The following RNF125 variants were observed in gnomAD, a reference collection of about 807,000 sequenced individuals.
The protein encoded by RNF125 is E3 ubiquitin-protein ligase RNF125.
Under a neutral mutation model 26.0 loss-of-function variants are expected in RNF125, and 21 were observed. The observed-to-expected ratio is 0.81, with a 90% confidence interval of 0.57 to 1.16. The LOEUF (loss-of-function observed/expected upper bound fraction) is 1.16. Ranked by LOEUF, RNF125 falls within the 50% of genes most tolerant of loss-of-function variation. RNF125 has a pLI of 0.00. For missense variants in RNF125, 270 were observed against 299.4 expected, an observed-to-expected ratio of 0.90 and a Z score of 0.72; for synonymous variants, 95 against 109.2, an observed-to-expected ratio of 0.87 and a Z score of 0.81.
At chr18:32,021,517 T>G (rs1239620842) in intron 1 of RNF125, among the ~76,000 whole-genome samples, 1 of 152,244 alleles carries the variant, frequency 6.6e-6, no homozygotes, top group African/African-American at 2.4e-5. Context: ...CAGGCCAGTC[T>G]GGAAGCCAAG....
intron 4 of RNF125, among the ~76,000 whole-genome samples, chr18:32,049,518 G>A (rs2039303742): frequency 6.6e-6 from 1 of 151,614 alleles, no homozygotes; most frequent in African/African-American, 2.4e-5. Flanking sequence ...ATAAAATCAG[G>A]CCTAGAGAAG....
At chr18:32,076,737 G>A (rs1449303135), downstream of RNF125, among the ~76,000 whole-genome samples, 1 of 151,886 alleles carries the variant, frequency 6.6e-6, no homozygotes, top group African/African-American at 2.4e-5. Context: ...CTTATACTTC[G>A]GCCACACTGT....
intron 4 of RNF125, among the ~76,000 whole-genome samples, chr18:32,060,438 T>C (rs1159459370): frequency 1.3e-5 from 2 of 152,324 alleles, no homozygotes; most frequent in East Asian, 3.9e-4. Context: ...TTGAAGTTGG[T>C]AGTAGCTTCT....
intron 4 of RNF125, among the ~76,000 whole-genome samples, chr18:32,053,768 TA>T (rs544167942): frequency 0.091 from 13,337 of 145,790 alleles, 1,885 homozygotes; most frequent in African/African-American, 0.31. Context: ...AACCCTGTCT[TA>T]AAAAAAAAAA....
chr18:32,086,865 T>C, the RNF125 span, among the ~76,000 whole-genome samples: 1 of 152,128 alleles, frequency 6.6e-6, no homozygotes, highest in African/African-American at 2.4e-5. Context: ...TTGTCCAGGC[T>C]GGTCTCAAAT....
At chr18:32,089,189 G>A in the RNF125 span, among the ~76,000 whole-genome samples, 2 of 152,232 alleles carry the variant, frequency 1.3e-5, no homozygotes. Flanking sequence ...TCATCAGCAA[G>A]TTTCAGCAAG....
chr18:32,037,010 TG>T, intron 1 of RNF125, 105 bp from the exon 2 acceptor site: 1 of 991,144 alleles, frequency 1.0e-6, no homozygotes, highest in Admixed American at 2.8e-5. Flanking sequence ...GTATGGCTCA[TG>T]GGGTACGAGG....
chr18:32,040,101 T>C (rs145085557), intron 2 of RNF125, among the ~76,000 whole-genome samples: 23 of 151,768 alleles, frequency 1.5e-4, no homozygotes, highest in African/African-American at 5.6e-4. Context: ...TTATATTCTG[T>C]CTTTTCCTTT....
intron 5 of RNF125, among the ~76,000 whole-genome samples, chr18:32,067,972 T>A (rs986498760): frequency 1.3e-5 from 2 of 152,232 alleles, no homozygotes; most frequent in African/African-American, 2.4e-5. Context: ...TGCTCCATTT[T>A]ACAGGTTTAT....
At position 32,055,931 on chromosome 18, in the gene RNF125, A is replaced by ATC. The variant is rs2039376780; in HGVS notation, c.505-9970_505-9969dup. ...GAGGCGGAGGTTGCAGTGAGCCGAG[A>ATC]TCATGCCATTGCACTCCAGCCTGGG... On this transcript the variant is annotated intron_variant, in intron 4 of 5. Coordinates refer to ENST00000217740, the MANE Select transcript of RNF125 (RefSeq NM_017831.4). Among the ~76,000 whole-genome samples, 11 of 141,686 alleles carry ATC rather than the reference A, an allele frequency of 7.8e-5. No individual in the cohort carries two copies. The South Asian group carries it at 9.0e-4, about 12-fold the overall frequency. The allele number at this position is 141,686 out of a possible 152,430, so 93.0% of individuals were successfully genotyped here.
At position 32,072,593 on chromosome 18, in the gene RNF125, T is replaced by A. The variant is rs1004903985; in HGVS notation, c.*4209T>A. ...TGAATTATTTTGTGTTCTGAATTAT[T>A]TTGAGCTCTAAAATGGTAAAGTACA... is the stretch of plus-strand genomic sequence containing the variant. On this transcript the variant is annotated 3_prime_UTR_variant, in exon 6 of 6. Transcript: ENST00000217740. 1.7e-4 allele frequency: 26 copies of A among 152,206 alleles called. No individual in the cohort carries two copies. The highest frequency in any genetic ancestry group is 6.0e-4 in the African/African-American group (25 of 41,446). 9.4% of individuals were successfully genotyped at this position (152,206 alleles called of 1,614,324 possible). A position where few individuals can be genotyped will look rare whatever the true frequency, so the allele number is the denominator to read the frequency against.
intron 4 of RNF125, among the ~76,000 whole-genome samples, chr18:32,055,670 G>C (rs1007247287): frequency 6.6e-6 from 1 of 152,058 alleles, no homozygotes. Context: ...GACACTTGGA[G>C]ATTGTGGGGA....
the RNF125 span, among the ~76,000 whole-genome samples, chr18:32,087,840 CA>C: frequency 6.6e-6 from 1 of 152,244 alleles, no homozygotes; most frequent in South Asian, 2.1e-4. Flanking sequence ...GTCTTTCCCT[CA>C]GGGGTGAACT....
intron 1 of RNF125, among the ~76,000 whole-genome samples, chr18:32,021,379 C>T (rs1432696335): frequency 1.3e-5 from 2 of 152,168 alleles, no homozygotes; most frequent in East Asian, 1.9e-4. Flanking sequence ...GGAGCCCGGC[C>T]GTAGCTGTAT....
chr18:32,076,821 C>G (rs919124577), downstream of RNF125, among the ~76,000 whole-genome samples: 1 of 152,112 alleles, frequency 6.6e-6, no homozygotes, highest in African/African-American at 2.4e-5. Flanking sequence ...GTTTGAAAAG[C>G]TCTTCGCTGG....
intron 1 of RNF125, among the ~76,000 whole-genome samples, chr18:32,025,229 C>T (rs899331739): frequency 3.3e-5 from 5 of 149,880 alleles, no homozygotes; most frequent in African/African-American, 5.0e-5. Flanking sequence ...CATATATATA[C>T]ATGTAGACAC....
chr18:32,040,804 A>T (rs2039209404), intron 2 of RNF125, among the ~76,000 whole-genome samples: 1 of 152,204 alleles, frequency 6.6e-6, no homozygotes, highest in Non-Finnish European at 1.5e-5. Flanking sequence ...ATACAAATAG[A>T]AATTTTTACC....
intron 1 of RNF125, among the ~76,000 whole-genome samples, chr18:32,021,119 T>C (rs1489179571): frequency 5.3e-5 from 8 of 152,124 alleles, no homozygotes; most frequent in East Asian, 1.9e-4. Context: ...CTTGCTGTGT[T>C]GCCCAGGCTG....
At chr18:32,084,585 G>A in the RNF125 span, among the ~76,000 whole-genome samples, 1 of 152,194 alleles carries the variant, frequency 6.6e-6, no homozygotes, top group Non-Finnish European at 1.5e-5. Context: ...AAGGGAGAAG[G>A]TGGCTGCCCC....
Sources: gnomAD v4.1 joint callset for allele counts (sites outside exome capture counted in the v4.1 genomes callset) on GRCh38, gnomAD v4.1.1 for gene constraint, MANE v1.5 for transcripts, NCBI Gene and HGNC (gene_info 2026-07-23, HGNC 2026-07-21) for gene names.